NOX4: variants seen among roughly 807,000 people sequenced by gnomAD.
The protein encoded by NOX4 is kidney oxidase-1.
NOX4 carries 69 observed loss-of-function variants against 87.6 expected under a neutral mutation model. The observed-to-expected ratio is 0.79, with a 90% CI of 0.65 to 0.96. The LOEUF is 0.96. Ranked by LOEUF, NOX4 falls within the 40% of genes least tolerant of loss-of-function variation. NOX4 has a pLI of 0.00. For missense variants in NOX4, 680 were observed against 681.5 expected (o/e 1.00, Z 0.02); for synonymous variants, 275 against 238.2 (o/e 1.15, Z -1.42).
At chr11:89,530,287 C>T in the NOX4 span, among the ~76,000 whole-genome samples, 1 of 150,466 alleles carries the variant, frequency 6.6e-6, no homozygotes, top group Non-Finnish European at 1.5e-5. Flanking sequence ...TCCTTTCCCT[C>T]ACTCTCTCCA....
In NOX4 at chr11:89,337,495, A is replaced by G. The variant is rs550103404; in HGVS notation, c.1467T>C (p.Pro489=). 1 of 1,612,144 alleles carries G rather than the reference A, an allele frequency of 6.2e-7. No homozygotes were observed. The highest frequency in any genetic ancestry group is 2.2e-5 in the East Asian group (1 of 44,840). The change falls in exon 16 of 18, where the codon CCT becomes CCC. Residue 489 remains proline, a synonymous_variant. Coordinates refer to ENST00000263317, the MANE Select transcript of NOX4 (RefSeq NM_016931.5). Reference sequence around the variant, plus strand: ...GGTACAGCTGGATGTTGACATAGTCAGGTCTGTTCTCTTGCCAAAACTGAG... The same window carrying G: ...GGTACAGCTGGATGTTGACATAGTCGGGTCTGTTCTCTTGCCAAAACTGAG... ...LHNKFWQENR[P]DYVNIQLYLS... is the part of the protein sequence containing the mutation.
At chr11:89,531,794 G>A in the NOX4 span, among the ~76,000 whole-genome samples, 49 of 152,334 alleles carry the variant, frequency 3.2e-4, no homozygotes, top group African/African-American at 1.0e-3. Flanking sequence ...CCCAGAGGCC[G>A]AGGAGGGAAA....
At chr11:89,557,722 G>A in the NOX4 span, among the ~76,000 whole-genome samples, 26 of 152,020 alleles carry the variant, frequency 1.7e-4, no homozygotes, top group Non-Finnish European at 2.6e-4. Flanking sequence ...ACTTACTCAG[G>A]ATACCTCATA....
intron 12 of NOX4, among the ~76,000 whole-genome samples, chr11:89,371,879 C>T (rs768750428): frequency 7.2e-5 from 11 of 151,814 alleles, no homozygotes; most frequent in Non-Finnish European, 1.6e-4. Flanking sequence ...TTTTAATTCA[C>T]TTAGATGTTT....
intron 2 of NOX4, among the ~76,000 whole-genome samples, chr11:89,457,612 C>A (rs72967128): frequency 6.6e-6 from 1 of 152,224 alleles, no homozygotes; most frequent in Non-Finnish European, 1.5e-5. Context: ...GATCCTTGGC[C>A]CCCTAAAACC....
the NOX4 span, among the ~76,000 whole-genome samples, chr11:89,549,869 G>A: frequency 6.6e-6 from 1 of 152,134 alleles, no homozygotes; most frequent in African/African-American, 2.4e-5. Context: ...TGGTGTATAT[G>A]TGCCACATTT....
At chr11:89,404,105 A>G (rs1942033540) in intron 8 of NOX4, among the ~76,000 whole-genome samples, 1 of 152,196 alleles carries the variant, frequency 6.6e-6, no homozygotes, top group Non-Finnish European at 1.5e-5. Context: ...ATTGATAAAT[A>G]TTATACAAAA....
At chr11:89,544,308 T>C in the NOX4 span, among the ~76,000 whole-genome samples, 1 of 152,138 alleles carries the variant, frequency 6.6e-6, no homozygotes, top group Non-Finnish European at 1.5e-5. Context: ...TTTTACGTGT[T>C]TATTTATTGC....
chr11:89,350,377 T>A (rs1281981488), intron 13 of NOX4, among the ~76,000 whole-genome samples: 1 of 152,214 alleles, frequency 6.6e-6, no homozygotes, highest in Non-Finnish European at 1.5e-5. Flanking sequence ...TACATTTCCA[T>A]ATTTCATTAT....
At chr11:89,571,639 A>T in the NOX4 span, among the ~76,000 whole-genome samples, 1 of 152,150 alleles carries the variant, frequency 6.6e-6, no homozygotes, top group Middle Eastern at 3.4e-3. Flanking sequence ...TCTAAGAGCA[A>T]TAAGATGTTT....
rs752932388 is a variant in NOX4 at position 89,373,463 on chromosome 11, C to T, written c.1104G>A (p.Gly368=). The change falls in exon 12 of 18, where the codon GGG becomes GGA. Residue 368 remains glycine (G), a synonymous_variant. Coordinates refer to ENST00000263317, the MANE Select transcript of NOX4 (RefSeq NM_016931.5). ...MCPTETKATF[G]VHLKIVGDWT... ...AGTCTCCTACTATTTTAAGATGAAC[C>T]CCAAATGTTGCTTTGGTTTCAGTTG... is the stretch of plus-strand genomic sequence containing the variant. 5.0e-6 allele frequency: 8 copies of T among 1,597,786 alleles called. No individual in the cohort carries two copies. The highest frequency in any genetic ancestry group is 6.9e-6 in the Non-Finnish European group (8 of 1,166,740).
chr11:89,518,378 G>C, the NOX4 span, among the ~76,000 whole-genome samples: 1 of 34,330 alleles, frequency 2.9e-5, no homozygotes, highest in South Asian at 6.9e-4. Context: ...AGTCTTGGGG[G>C]GGGGACAAAG....
At chr11:89,490,354 T>C in intron 2 of NOX4, 104 bp downstream of exon 2, 3 of 765,544 alleles carry the variant, frequency 3.9e-6, no homozygotes, top group South Asian at 3.2e-5. Flanking sequence ...GTTTTCAAAG[T>C]GAAGAGTGCA....
At chr11:89,349,130 T>G (rs1946340079) in intron 13 of NOX4, among the ~76,000 whole-genome samples, 1 of 151,668 alleles carries the variant, frequency 6.6e-6, no homozygotes, top group Admixed American at 6.6e-5. Context: ...CTATTAAAAA[T>G]ACAAAAATTA....
intron 2 of NOX4, among the ~76,000 whole-genome samples, chr11:89,485,052 G>A (rs1479952358): frequency 6.6e-6 from 1 of 152,110 alleles, no homozygotes; most frequent in African/African-American, 2.4e-5. Flanking sequence ...AGAGACTCCA[G>A]TCTCTGACCT....
chr11:89,406,891 T>C (rs1350955991), intron 8 of NOX4, among the ~76,000 whole-genome samples: 2 of 152,036 alleles, frequency 1.3e-5, no homozygotes, highest in Non-Finnish European at 2.9e-5. Flanking sequence ...TGAACTTTGA[T>C]TATAAAATTC....
chr11:89,408,757 A>G (rs934815415), intron 8 of NOX4, among the ~76,000 whole-genome samples: 5 of 152,174 alleles, frequency 3.3e-5, no homozygotes, highest in African/African-American at 1.2e-4. Flanking sequence ...TAATCTGTGC[A>G]GGTGCACCGG....
At chr11:89,327,040 C>T (rs1356618465) in intron 17 of NOX4, among the ~76,000 whole-genome samples, 164 bp from the exon 18 acceptor site, 2 of 152,074 alleles carry the variant, frequency 1.3e-5, no homozygotes, top group Non-Finnish European at 2.9e-5. Flanking sequence ...AAATGTCAAC[C>T]AGGAAAATAT....
intron 2 of NOX4, among the ~76,000 whole-genome samples, chr11:89,457,862 A>T (rs1411396220): frequency 1.3e-5 from 2 of 152,092 alleles, no homozygotes; most frequent in African/African-American, 4.8e-5. Flanking sequence ...TAAATAAAAC[A>T]CCTCTGTAAG....
Sources: gnomAD v4.1 joint callset for allele counts (sites outside exome capture counted in the v4.1 genomes callset) on GRCh38, gnomAD v4.1.1 for gene constraint, MANE v1.5 for transcripts, NCBI Gene and HGNC (gene_info 2026-07-23, HGNC 2026-07-21) for gene names.